The following IL1RL2 variants were observed in gnomAD, a reference collection of about 807,000 sequenced individuals.
IL1RL2 encodes the protein interleukin 1 receptor like 2.
IL1RL2 carries 68 observed loss-of-function variants against 66.8 expected under a neutral mutation model. The ratio of observed to expected loss-of-function variants is 1.02; its 90% CI spans 0.84 to 1.25. The LOEUF (loss-of-function observed/expected upper bound fraction) is 1.25, where lower values mean the gene tolerates loss of function less well. Among genes scored for constraint, IL1RL2 ranks in the 50% most tolerant of loss-of-function variants. The pLI is 0.00. For missense variants in IL1RL2, 729 were observed against 709.3 expected (o/e 1.03, Z -0.32); for synonymous variants, 305 against 264.6 (o/e 1.15, Z -1.48).
rs561901210 is a variant in IL1RL2 at position 102,222,949 on chromosome 2, T to G, written c.991+2932T>G. On this transcript the variant is annotated intron_variant, in intron 8 of 11. Transcript: ENST00000264257. ...TAGACTGAAGCTGACCAATAGCGAT[T>G]TCCATCCCAATACTGACTTGTTGAA... 2.6e-5 allele frequency among the ~76,000 whole-genome samples: 4 copies of G among 152,336 alleles called. No individual in the cohort carries two copies. The East Asian group carries it at 5.8e-4, about 22-fold the overall frequency.
At position 102,232,084 on chromosome 2, in the gene IL1RL2, G is replaced by A. The variant is rs192451344; in HGVS notation, c.1136-879G>A. Among the ~76,000 whole-genome samples the A allele has an allele frequency of 8.0e-4, 121 of 151,010 alleles. 2 individuals are homozygous for A. Among genetic ancestry groups the A allele is most frequent in the African/African-American group, 2.8e-3 (117 of 41,164 alleles). ...GTCATCCAGGCTGGAGTGCAGTGGC[G>A]TGATCATAGCTCACTGCATCCTTGA... On this transcript the variant is annotated intron_variant, in intron 9 of 11. Coordinates refer to ENST00000264257, the MANE Select transcript of IL1RL2 (RefSeq NM_003854.4).
chr2:102,232,821 G>C (rs1691252111), intron 9 of IL1RL2, 142 bp from the exon 10 acceptor site: 1 of 812,128 alleles, frequency 1.2e-6, no homozygotes, highest in Admixed American at 2.7e-5. Flanking sequence ...GGCAGCCCCT[G>C]GCACCAAGTC....
intron 4 of IL1RL2, among the ~76,000 whole-genome samples, chr2:102,198,302 G>A (rs1460028337): frequency 6.6e-6 from 1 of 152,154 alleles, no homozygotes; most frequent in Non-Finnish European, 1.5e-5. Flanking sequence ...GAAAATCCTG[G>A]CTTACGTCTG....
intron 11 of IL1RL2, among the ~76,000 whole-genome samples, chr2:102,236,866 A>G (rs1674932299): frequency 6.6e-6 from 1 of 152,230 alleles, no homozygotes; most frequent in African/African-American, 2.4e-5. Context: ...ACTTTTCAAT[A>G]AAAAGAAAGT....
At position 102,212,086 on chromosome 2, in the gene IL1RL2, G is replaced by T. The variant is rs1008078972; in HGVS notation, c.650-14G>T. On this transcript the variant is annotated splice_polypyrimidine_tract_variant and intron_variant, in intron 5 of 11. Coordinates refer to ENST00000264257, the MANE Select transcript of IL1RL2 (RefSeq NM_003854.4). The stretch of plus-strand genomic sequence containing the variant: ...GTGATTCTAATGCAATTTCCTGTGG[G>T]TATGATTTCTTAGCAGAAAGAGCTG... The T allele has an allele frequency of 6.9e-6, 11 of 1,600,344 alleles. No homozygotes were observed. Among genetic ancestry groups the T allele is most frequent in the African/African-American group, 1.3e-5 (1 of 74,592 alleles).
At chr2:102,199,126 G>GT (rs913560128) in intron 4 of IL1RL2, among the ~76,000 whole-genome samples, 29 of 152,174 alleles carry the variant, frequency 1.9e-4, no homozygotes, top group Non-Finnish European at 4.0e-4. Flanking sequence ...TAAAATAATT[G>GT]TTTTTTGTTT....
chr2:102,223,097 T>C (rs979916425), intron 8 of IL1RL2, among the ~76,000 whole-genome samples: 2 of 152,332 alleles, frequency 1.3e-5, no homozygotes, highest in South Asian at 2.1e-4. Context: ...TTTATCCCCT[T>C]TGTTTTAAGC....
At chr2:102,222,331 G>A (rs1690213036) in intron 8 of IL1RL2, among the ~76,000 whole-genome samples, 1 of 152,154 alleles carries the variant, frequency 6.6e-6, no homozygotes, top group South Asian at 2.1e-4. Flanking sequence ...AAAGAATACT[G>A]CTATGGAAAT....
Position 102,239,304 on chromosome 2 carries a change from C to A in IL1RL2, c.*63C>A. 1 of 1,462,246 alleles carries A rather than the reference C, an allele frequency of 6.8e-7. No individual in the cohort carries two copies. The highest frequency in any genetic ancestry group is 2.3e-5 in the East Asian group (1 of 44,048). 90.6% of individuals were successfully genotyped at this position (1,462,246 alleles called of 1,614,324 possible). ...TGTTTTGCTCCATGTCTCCTCATTC[C>A]TACACCTATTTTCTGCTGCAGGATG... On this transcript the variant is annotated 3_prime_UTR_variant, in exon 12 of 12. Coordinates refer to ENST00000264257, the MANE Select transcript of IL1RL2 (RefSeq NM_003854.4).
downstream of IL1RL2, among the ~76,000 whole-genome samples, chr2:102,240,434 G>A (rs914749440): frequency 9.4e-5 from 12 of 127,300 alleles, no homozygotes; most frequent in Non-Finnish European, 1.7e-4. Flanking sequence ...TTACAAGCAT[G>A]AGCCACCGAG....
chr2:102,188,641 A>G (rs1046025687), intron 2 of IL1RL2, among the ~76,000 whole-genome samples: 1 of 151,632 alleles, frequency 6.6e-6, no homozygotes, highest in Non-Finnish European at 1.5e-5. Flanking sequence ...AGTGAACCAA[A>G]TTTTTTTTCT....
chr2:102,192,019 G>A lies in IL1RL2; in HGVS notation c.388G>A (p.Asp130Asn). ...TSIGGLPNLS[D>N]EYKQILHLGK... is the part of the protein sequence containing the mutation. Reference sequence around the variant, plus strand: ...CATAGGTGGTTTACCAAATTTATCAGATGAGTACAAGCAAATATTACATCT... The same window carrying A: ...CATAGGTGGTTTACCAAATTTATCAAATGAGTACAAGCAAATATTACATCT... The change falls in exon 4 of 12, where the codon GAT becomes AAT. Residue 130 changes from aspartate (D) to asparagine (N), a missense_variant. By Grantham distance (23) the Asp-to-Asn change is conservative. Transcript: ENST00000264257. The A allele has an allele frequency of 1.2e-6, 2 of 1,612,822 alleles. No individual in the cohort carries two copies. Among genetic ancestry groups the A allele is most frequent in the Non-Finnish European group, 1.7e-6 (2 of 1,179,320 alleles).
At chr2:102,216,669 G>T (rs1689639891) in intron 6 of IL1RL2, among the ~76,000 whole-genome samples, 1 of 151,746 alleles carries the variant, frequency 6.6e-6, no homozygotes, top group African/African-American at 2.4e-5. Context: ...TTTCTCTCTT[G>T]TTTACTTTTG....
chr2:102,221,499 T>G (rs1054878795), intron 8 of IL1RL2, among the ~76,000 whole-genome samples: 29 of 152,182 alleles, frequency 1.9e-4, no homozygotes, highest in African/African-American at 6.8e-4. Flanking sequence ...CCTTTGTTAG[T>G]GGGACTCCTG....
Position 102,226,041 on chromosome 2 carries a change from G to A in IL1RL2, c.1135G>A (p.Asp379Asn). 1 of 1,581,600 alleles carries A rather than the reference G, an allele frequency of 6.3e-7. No individual in the cohort carries two copies. Among genetic ancestry groups the A allele is most frequent in the Non-Finnish European group, 8.6e-7 (1 of 1,165,904 alleles). ...SAFHSTETIVDGKLYDAYVLY... is the reference protein window; with the variant it reads ...SAFHSTETIVNGKLYDAYVLY... ...CTTCCATTCTACAGAGACCATAGTA[G>A]GTAAGTGTGTGTAATCACTGAAAAA... Residue 379 changes from aspartate to asparagine, a missense_variant and splice_region_variant, in exon 9 of 12, where the codon GAT (aspartate) becomes AAT (asparagine). By Grantham distance (23) the Asp-to-Asn change is conservative. Transcript: ENST00000264257.
Position 102,187,050 on chromosome 2 carries a change from C to T in IL1RL2, c.-49C>T, listed in dbSNP as rs1406438783. 5 of 1,289,776 alleles carry T rather than the reference C, an allele frequency of 3.9e-6. No homozygotes were observed. The highest frequency in any genetic ancestry group is 1.2e-5 in the South Asian group (1 of 81,038). 79.9% of individuals were successfully genotyped at this position (1,289,776 alleles called of 1,614,324 possible). A position where few individuals can be genotyped will look rare whatever the true frequency, so the allele number is the denominator to read the frequency against. ...TCGTGTCCCTGTCATATTTTCCACT[C>T]TCCACGAGGTCCTGCGCGCTTCAAT... On this transcript the variant is annotated 5_prime_UTR_variant, in exon 1 of 12. Transcript: ENST00000264257.
chr2:102,199,946 CTCAGGTGT>C (rs1286502446), intron 4 of IL1RL2, among the ~76,000 whole-genome samples: 1 of 151,950 alleles, frequency 6.6e-6, no homozygotes, highest in East Asian at 1.9e-4. Flanking sequence ...ACTCCTTGAG[CTCAGGTGT>C]TCGAGACCAG....
intron 4 of IL1RL2, among the ~76,000 whole-genome samples, chr2:102,192,728 C>T (rs1334282493): frequency 6.6e-6 from 1 of 152,184 alleles, no homozygotes; most frequent in Non-Finnish European, 1.5e-5. Context: ...CATGGAGGAG[C>T]ACAGGCTAGT....
chr2:102,233,099 C>A lies in IL1RL2; in HGVS notation c.1272C>A (p.Phe424Leu). ...ERQCGYKLFI[F>L]GRDEFPGQAV... Reference sequence around the variant, plus strand: ...AATGTGGATATAAGTTGTTTATATTCGGCAGAGATGAATTCCCTGGACAAG... The same window carrying A: ...AATGTGGATATAAGTTGTTTATATTAGGCAGAGATGAATTCCCTGGACAAG... Residue 424 changes from phenylalanine to leucine, a missense_variant, in exon 10 of 12, where the codon TTC becomes TTA. Physicochemically the swap from Phe to Leu is conservative, Grantham distance 22 (BLOSUM62 0). Transcript: ENST00000264257. 2 of 1,612,768 alleles carry A rather than the reference C, an allele frequency of 1.2e-6. No individual in the cohort carries two copies. Among genetic ancestry groups the A allele is most frequent in the Non-Finnish European group, 8.5e-7 (1 of 1,179,028 alleles).
Sources: allele counts gnomAD v4.1 joint callset (sites outside exome capture counted in the v4.1 genomes callset), GRCh38; gene constraint gnomAD v4.1.1; transcripts MANE v1.5; gene names NCBI Gene and HGNC (gene_info 2026-07-23, HGNC 2026-07-21).